The following FAT3 variants were observed in gnomAD, a reference collection of about 807,000 sequenced individuals.
The protein encoded by FAT3 is FAT atypical cadherin 3.
In FAT3, 95 loss-of-function variants were observed where a neutral mutation model predicts 310.2. The ratio of observed to expected loss-of-function variants is 0.31; its 90% CI spans 0.26 to 0.36. The LOEUF (loss-of-function observed/expected upper bound fraction) is 0.36, where lower values mean the gene tolerates loss of function less well. Among genes scored for constraint, FAT3 ranks in the 10% least tolerant of loss-of-function variants. The pLI is 1.00. For synonymous variants in FAT3, 2,314 were observed against 2,192.9 expected (o/e 1.06, Z -1.54); for missense variants, 5,408 against 5,715.6 (o/e 0.95, Z 1.74).
chr11:92,525,445 C>A (rs1953829325), intron 3 of FAT3, among the ~76,000 whole-genome samples: 1 of 152,160 alleles, frequency 6.6e-6, no homozygotes, highest in Non-Finnish European at 1.5e-5. Flanking sequence ...TCAATTTTTA[C>A]ATAAAATATG....
chr11:92,683,128 T>G (rs574170962), intron 3 of FAT3, among the ~76,000 whole-genome samples: 1 of 150,644 alleles, frequency 6.6e-6, no homozygotes, highest in South Asian at 2.1e-4. Context: ...CTGCCTGTTT[T>G]ATTGTGAGGG....
At chr11:92,330,288 G>T (rs1267402526) in intron 1 of FAT3, among the ~76,000 whole-genome samples, 1 of 152,100 alleles carries the variant, frequency 6.6e-6, no homozygotes, top group African/African-American at 2.4e-5. Flanking sequence ...GCAGAATTTG[G>T]CATTAATCCA....
chr11:92,559,171 C>T (rs1233508846), intron 3 of FAT3, among the ~76,000 whole-genome samples: 3 of 151,868 alleles, frequency 2.0e-5, no homozygotes, highest in African/African-American at 4.8e-5. Context: ...ATTCACATAC[C>T]ATACAATTCA....
At chr11:92,834,192 A>T (rs761884280) in intron 14 of FAT3, among the ~76,000 whole-genome samples, 9 of 152,202 alleles carry the variant, frequency 5.9e-5, no homozygotes, top group Non-Finnish European at 1.3e-4. Flanking sequence ...AGCTGCTTTC[A>T]CATGTTCTAC....
At chr11:92,619,751 T>C (rs1411149931) in intron 3 of FAT3, among the ~76,000 whole-genome samples, 1 of 152,094 alleles carries the variant, frequency 6.6e-6, no homozygotes, top group East Asian at 1.9e-4. Flanking sequence ...CTCTCTTCTT[T>C]TTCTTGATCA....
chr11:92,728,212 CTAAA>C (rs1439127128), intron 4 of FAT3, among the ~76,000 whole-genome samples: 1 of 152,166 alleles, frequency 6.6e-6, no homozygotes, highest in African/African-American at 2.4e-5. Flanking sequence ...AAGAGGAGTT[CTAAA>C]TAGTTAGAAT....
intron 4 of FAT3, among the ~76,000 whole-genome samples, chr11:92,724,590 C>T (rs931381681): frequency 4.6e-5 from 7 of 152,198 alleles, no homozygotes; most frequent in Non-Finnish European, 8.8e-5. Context: ...TGGTTTTGTG[C>T]TATCCAGTTT....
intron 6 of FAT3, chr11:92,766,528 T>C (rs924765235): frequency 2.6e-5 from 4 of 152,254 alleles, no homozygotes; most frequent in African/African-American, 9.6e-5. Flanking sequence ...GTCAAACCTC[T>C]ATAGAGAGTC....
chr11:92,303,534 A>G (rs1196152313), intron 1 of FAT3, among the ~76,000 whole-genome samples: 1 of 152,116 alleles, frequency 6.6e-6, no homozygotes, highest in Non-Finnish European at 1.5e-5. Context: ...TAAGGATTTG[A>G]GGAGTCGAGT....
intron 3 of FAT3, among the ~76,000 whole-genome samples, chr11:92,692,707 A>G (rs1303160106): frequency 6.6e-6 from 1 of 152,226 alleles, no homozygotes; most frequent in Admixed American, 6.5e-5. Context: ...CTGGGTACAG[A>G]CATGAAGAAG....
chr11:92,739,266 A>G (rs1181224998), intron 4 of FAT3, among the ~76,000 whole-genome samples: 1 of 152,206 alleles, frequency 6.6e-6, no homozygotes, highest in Non-Finnish European at 1.5e-5. Flanking sequence ...TGGTGATGCA[A>G]TGACCTGATA....
chr11:92,858,963 A>AT (rs1565656009), intron 20 of FAT3, among the ~76,000 whole-genome samples: 1 of 152,078 alleles, frequency 6.6e-6, no homozygotes, highest in Non-Finnish European at 1.5e-5. Context: ...ACTGGTTAAT[A>AT]TTTTTTTCAC....
intron 1 of FAT3, among the ~76,000 whole-genome samples, chr11:92,233,277 AT>A: frequency 6.6e-6 from 1 of 152,274 alleles, no homozygotes; most frequent in East Asian, 1.9e-4. Flanking sequence ...TTAATTCCTC[AT>A]CTTCATAGGT....
intron 1 of FAT3, among the ~76,000 whole-genome samples, chr11:92,332,045 T>C (rs1947936091): frequency 6.6e-6 from 1 of 152,230 alleles, no homozygotes; most frequent in African/African-American, 2.4e-5. Flanking sequence ...AGCTCTTCCA[T>C]CATGGTGCTA....
At chr11:92,366,575 G>A in intron 2 of FAT3, 1 of 516,934 alleles carries the variant, frequency 1.9e-6, no homozygotes, top group Non-Finnish European at 3.9e-6. Context: ...TGCGCCTGAT[G>A]GGCTTCAAGT....
chr11:92,367,100 C>T (rs1565262197), intron 2 of FAT3: 1 of 450,152 alleles, frequency 2.2e-6, no homozygotes. Context: ...GTGTCAAATT[C>T]AGAGCCAGCG....
chr11:92,284,625 A>C (rs539053057), intron 1 of FAT3, among the ~76,000 whole-genome samples: 18 of 152,230 alleles, frequency 1.2e-4, no homozygotes, highest in Non-Finnish European at 2.5e-4. Flanking sequence ...TGTCAACCTT[A>C]GGGCACACTG....
intron 4 of FAT3, among the ~76,000 whole-genome samples, chr11:92,742,015 A>C (rs1053924665): frequency 6.6e-6 from 1 of 152,228 alleles, no homozygotes; most frequent in Non-Finnish European, 1.5e-5. Flanking sequence ...GCCTCTTATG[A>C]AAACCAAAAG....
chr11:92,763,231 A>G (rs1364020666), intron 5 of FAT3, among the ~76,000 whole-genome samples: 6 of 151,142 alleles, frequency 4.0e-5, no homozygotes, highest in Admixed American at 6.6e-5. Context: ...GTCCTTTATT[A>G]TTTTAAACGA....
Sources: gnomAD v4.1 joint callset for allele counts (sites outside exome capture counted in the v4.1 genomes callset) on GRCh38, gnomAD v4.1.1 for gene constraint, MANE v1.5 for transcripts, NCBI Gene and HGNC (gene_info 2026-07-23, HGNC 2026-07-21) for gene names.